The following OR9Q1 variants were observed in gnomAD, a reference collection of about 807,000 sequenced individuals.
OR9Q1 encodes olfactory receptor 9Q1.
For synonymous variants in OR9Q1, 153 were observed against 148.6 expected, an observed-to-expected ratio of 1.03 and a Z score of -0.22; for missense variants, 374 against 378.8, an observed-to-expected ratio of 0.99 and a Z score of 0.11.
chr11:58,101,286 C>T (rs377366912), intron 2 of OR9Q1, among the ~76,000 whole-genome samples: 1 of 152,048 alleles, frequency 6.6e-6, no homozygotes, highest in African/African-American at 2.4e-5. Context: ...TTGCCACATC[C>T]ATGCCAACAT....
At chr11:58,107,589 T>C (rs1003141559) in intron 2 of OR9Q1, among the ~76,000 whole-genome samples, 11 of 152,210 alleles carry the variant, frequency 7.2e-5, no homozygotes, top group African/African-American at 2.7e-4. Flanking sequence ...CACGTGTCTT[T>C]ATGGTAGCAT....
chr11:58,043,247 G>A (rs1435006746), intron 1 of OR9Q1, among the ~76,000 whole-genome samples: 1 of 152,082 alleles, frequency 6.6e-6, no homozygotes, highest in Non-Finnish European at 1.5e-5. Flanking sequence ...TCATTCGGTG[G>A]AAACTTTCTC....
chr11:58,155,653 C>T (rs1258316449), intron 2 of OR9Q1, among the ~76,000 whole-genome samples: 3 of 152,132 alleles, frequency 2.0e-5, no homozygotes, highest in Non-Finnish European at 4.4e-5. Context: ...TTGATGCTGC[C>T]TCCATTATTC....
chr11:58,142,594 A>T (rs1854261117), intron 2 of OR9Q1, among the ~76,000 whole-genome samples: 1 of 152,188 alleles, frequency 6.6e-6, no homozygotes, highest in Admixed American at 6.6e-5. Context: ...GTTTTACTTT[A>T]TTCTTTATCT....
chr11:58,149,200 T>A (rs1289873603), intron 2 of OR9Q1, among the ~76,000 whole-genome samples: 1 of 152,164 alleles, frequency 6.6e-6, no homozygotes, highest in African/African-American at 2.4e-5. Context: ...GAAAAAAGCA[T>A]TGTAAAAATA....
At chr11:58,163,350 A>T (rs1294114752) in intron 2 of OR9Q1, among the ~76,000 whole-genome samples, 1 of 152,174 alleles carries the variant, frequency 6.6e-6, no homozygotes, top group Non-Finnish European at 1.5e-5. Flanking sequence ...TCTTAATCAA[A>T]AATGAGAAAT....
At chr11:58,101,058 T>C (rs968774119) in intron 2 of OR9Q1, among the ~76,000 whole-genome samples, 8 of 152,112 alleles carry the variant, frequency 5.3e-5, no homozygotes, top group Admixed American at 2.6e-4. Context: ...GGTTAATGGG[T>C]ACAAAAATAC....
chr11:58,037,612 G>A (rs1236162756), intron 1 of OR9Q1, among the ~76,000 whole-genome samples: 5 of 133,380 alleles, frequency 3.7e-5, no homozygotes, highest in Admixed American at 8.1e-5. Context: ...TATATGGGAA[G>A]TGTCAGTAAA....
At chr11:58,114,915 G>A (rs558030196) in intron 2 of OR9Q1, among the ~76,000 whole-genome samples, 3 of 152,236 alleles carry the variant, frequency 2.0e-5, no homozygotes, top group Admixed American at 6.5e-5. Flanking sequence ...ATGGGTTTGA[G>A]CAGGTTGGTC....
At chr11:58,041,915 T>G (rs1446884999) in intron 1 of OR9Q1, among the ~76,000 whole-genome samples, 2 of 152,174 alleles carry the variant, frequency 1.3e-5, no homozygotes, top group Admixed American at 6.5e-5. Context: ...TATCATGAAA[T>G]AACACTGAGA....
intron 2 of OR9Q1, among the ~76,000 whole-genome samples, chr11:58,172,855 A>T (rs1046321166): frequency 7.9e-5 from 12 of 152,180 alleles, no homozygotes; most frequent in African/African-American, 2.9e-4. Flanking sequence ...TTTAAAATGT[A>T]CAATTAAATT....
intron 2 of OR9Q1, among the ~76,000 whole-genome samples, chr11:58,096,934 C>T (rs1853738022): frequency 1.3e-5 from 2 of 152,110 alleles, no homozygotes; most frequent in East Asian, 1.9e-4. Flanking sequence ...GAACTCCTGA[C>T]CTCAAGTGAT....
intron 2 of OR9Q1, among the ~76,000 whole-genome samples, chr11:58,135,448 C>G (rs1854180743): frequency 6.6e-6 from 1 of 152,158 alleles, no homozygotes; most frequent in Admixed American, 6.6e-5. Context: ...GAAGTCCACC[C>G]TGACACATTG....
At chr11:58,123,476 TG>T (rs1854056321) in intron 2 of OR9Q1, among the ~76,000 whole-genome samples, 2 of 152,302 alleles carry the variant, frequency 1.3e-5, no homozygotes, top group Non-Finnish European at 2.9e-5. Flanking sequence ...GGCAGATTGT[TG>T]GGGTGCAGAT....
intron 1 of OR9Q1, chr11:58,031,430 C>T (rs747615226): frequency 1.9e-6 from 3 of 1,614,080 alleles, no homozygotes; most frequent in Non-Finnish European, 2.5e-6. Context: ...TTTCCTCACA[C>T]CCATCTTGCC....
chr11:58,065,439 CG>C (rs1398348025), intron 2 of OR9Q1, among the ~76,000 whole-genome samples: 1 of 152,046 alleles, frequency 6.6e-6, no homozygotes, highest in African/African-American at 2.4e-5. Context: ...ATAAGACAGA[CG>C]TGGGGCAGGT....
intron 2 of OR9Q1, among the ~76,000 whole-genome samples, chr11:58,089,631 G>C (rs1439441386): frequency 6.6e-6 from 1 of 151,882 alleles, no homozygotes; most frequent in Non-Finnish European, 1.5e-5. Flanking sequence ...TCTTTGCTAT[G>C]TGGGCTCTTT....
chr11:58,092,413 GT>G lies in OR9Q1; in HGVS notation c.-15+36471del, dbSNP rs1853693312. On this transcript the variant is annotated intron_variant, in intron 2 of 2. Transcript: ENST00000335397. ...AATTTTTTTGCTTTCCAGTTAGAAT[GT>G]TTTTCATTAATTTTATAAGACATAA... Among the ~76,000 whole-genome samples the G allele has an allele frequency of 3.3e-5, 5 of 151,054 alleles. No homozygotes were observed. The South Asian group carries it at 1.0e-3, about 31-fold the overall frequency.
rs538724748 is a variant in OR9Q1, at chr11:58,157,036, C to T, written c.-14-22395C>T. ...CATATTGTTTCAGTTGGTCTTAGATCGAAGACCAAAATCCTGAACCTGGCT... is the reference window on the plus strand; with the variant it reads ...CATATTGTTTCAGTTGGTCTTAGATTGAAGACCAAAATCCTGAACCTGGCT... On this transcript the variant is annotated intron_variant, in intron 2 of 2. Transcript: ENST00000335397. 4.6e-5 allele frequency among the ~76,000 whole-genome samples: 7 copies of T among 152,242 alleles called. No individual in the cohort carries two copies. The East Asian group carries it at 9.7e-4, about 21-fold the overall frequency.
Sources: gnomAD v4.1 joint callset for allele counts (sites outside exome capture counted in the v4.1 genomes callset) on GRCh38, gnomAD v4.1.1 for gene constraint, MANE v1.5 for transcripts, NCBI Gene and HGNC (gene_info 2026-07-23, HGNC 2026-07-21) for gene names.